The following PODXL2 variants were observed in gnomAD, a reference collection of about 807,000 sequenced individuals.
PODXL2 encodes the protein podocalyxin-like protein 2.
A neutral mutation model predicts 53.4 loss-of-function variants in PODXL2; 17 were observed. The observed-to-expected ratio is 0.32, with a 90% CI of 0.22 to 0.48. The LOEUF is 0.48. Among genes scored for constraint, PODXL2 ranks in the 20% least tolerant of loss-of-function variants. The pLI, the probability that PODXL2 is intolerant of heterozygous loss-of-function variation, is 0.99. For synonymous variants in PODXL2, 311 were observed against 306.7 expected (o/e 1.01, Z -0.15); for missense variants, 673 against 760.0 (o/e 0.89, Z 1.35).
chr3:127,670,487 A>C (rs2074825672), intron 6 of PODXL2, among the ~76,000 whole-genome samples: 1 of 152,200 alleles, frequency 6.6e-6, no homozygotes, highest in Non-Finnish European at 1.5e-5. Flanking sequence ...TTCTGGCGTT[A>C]CTGGTCACTT....
Position 127,672,800 on chromosome 3 carries a change from G to A in PODXL2, c.*320G>A, listed in dbSNP as rs901204621. 3.0e-6 allele frequency: 1 copy of A among 329,156 alleles called. No homozygotes were observed. The highest frequency in any genetic ancestry group is 2.2e-5 in the African/African-American group (1 of 46,012). 20.4% of individuals were successfully genotyped at this position (329,156 alleles called of 1,614,324 possible). A position where few individuals can be genotyped will look rare whatever the true frequency, so the allele number is the denominator to read the frequency against. ...CCGCCCGGAGACCACGCCGGGCCCA[G>A]CGCGTCTGCCTTCTTGACTCATTCT... On this transcript the variant is annotated 3_prime_UTR_variant, in exon 8 of 8. Coordinates refer to ENST00000342480, the MANE Select transcript of PODXL2 (RefSeq NM_015720.4).
At chr3:127,641,902 C>T (rs1490497744) in intron 2 of PODXL2, among the ~76,000 whole-genome samples, 1 of 152,278 alleles carries the variant, frequency 6.6e-6, no homozygotes, top group East Asian at 1.9e-4. Flanking sequence ...CTTAGGTTGT[C>T]TTCAGTTTTA....
At position 127,629,322 on chromosome 3, in the gene PODXL2, C is replaced by T; in HGVS notation, c.70+33C>T. On this transcript the variant is annotated intron_variant, in intron 1 of 7. Coordinates refer to ENST00000342480, the MANE Select transcript of PODXL2 (RefSeq NM_015720.4). This position sits in a 1 kb window ranked among gnomAD's most constrained non-coding sequence, Gnocchi z 6.4. ...CGCTCCGGGCCCGAGCGCGGGAGGG[C>T]GGGCGGCGGCGTGGGCGCGGTGCTG... is the stretch of plus-strand genomic sequence containing the variant. 9.9e-7 allele frequency: 1 copy of T among 1,011,592 alleles called. No individual in the cohort carries two copies. Among genetic ancestry groups the T allele is most frequent in the Non-Finnish European group, 1.2e-6 (1 of 847,682 alleles). The allele number at this position is 1,011,592 out of a possible 1,614,324, so 62.7% of individuals were successfully genotyped here.
At chr3:127,668,653 CCT>C (rs1420570505) in intron 5 of PODXL2, 56 bp downstream of exon 5, 4 of 1,422,780 alleles carry the variant, frequency 2.8e-6, no homozygotes, top group African/African-American at 2.9e-5. Context: ...GCGGGCGGCC[CCT>C]GAGGGTCACG....
rs369554526 is a variant in PODXL2 at position 127,661,178 on chromosome 3, G to A, written c.1131+19G>A. The A allele has an allele frequency of 4.0e-4, 626 of 1,582,612 alleles. No individual in the cohort carries two copies. The highest frequency in any genetic ancestry group is 5.0e-4 in the Admixed American group (30 of 59,670). On this transcript the variant is annotated intron_variant, in intron 3 of 7. Coordinates refer to ENST00000342480, the MANE Select transcript of PODXL2 (RefSeq NM_015720.4). ...TACGCAGGTAAAGTGAGGGGCATGCGGGCCACCACCCTGTACCTTCTTCAC... is the reference window on the plus strand; with the variant it reads ...TACGCAGGTAAAGTGAGGGGCATGCAGGCCACCACCCTGTACCTTCTTCAC...
intron 2 of PODXL2, among the ~76,000 whole-genome samples, chr3:127,641,600 G>A (rs904799971): frequency 1.3e-4 from 19 of 151,712 alleles, no homozygotes; most frequent in Middle Eastern, 3.2e-3. Flanking sequence ...CACAACCTCC[G>A]CCTCCCAGGT....
chr3:127,661,443 T>G (rs2074766977), intron 3 of PODXL2, among the ~76,000 whole-genome samples: 3 of 152,024 alleles, frequency 2.0e-5, no homozygotes, highest in African/African-American at 7.2e-5. Flanking sequence ...CTTTTGTTTT[T>G]TTTTTTTCCC....
At chr3:127,641,963 T>G (rs2074623597) in intron 2 of PODXL2, among the ~76,000 whole-genome samples, 1 of 152,168 alleles carries the variant, frequency 6.6e-6, no homozygotes, top group East Asian at 1.9e-4. Flanking sequence ...GGTGGTTTCC[T>G]TAGGATAAAT....
At chr3:127,662,112 G>A (rs3732650) in intron 3 of PODXL2, 125 bp from the exon 4 acceptor site, 12,426 of 718,202 alleles carry the variant, frequency 0.017, 396 homozygotes, top group East Asian at 0.096. Context: ...CAGCCCCCTC[G>A]CTGTAATACG....
At chr3:127,652,719 A>AG (rs1200596534) in intron 2 of PODXL2, among the ~76,000 whole-genome samples, 1 of 152,024 alleles carries the variant, frequency 6.6e-6, no homozygotes, top group Non-Finnish European at 1.5e-5. Context: ...GGGGCTCTAG[A>AG]GGTACACCTT....
Position 127,668,101 on chromosome 3 carries a change from CGTGTGTGTGTGTGTGT to C in PODXL2, c.1207-313_1207-298del, listed in dbSNP as rs55716588. 2.2e-3 allele frequency among the ~76,000 whole-genome samples: 318 copies of C among 145,854 alleles called. 1 individual carries two copies. The highest frequency in any genetic ancestry group is 0.02 in the South Asian group (88 of 4,442). On this transcript the variant is annotated intron_variant, in intron 4 of 7. Transcript: ENST00000342480. ...CTGGGCTTGTCACTGTACATGGCTG[CGTGTGTGTGTGTGTGT>C]GTGTGTGTGTGTGTGTGTGTGTGTG...
At chr3:127,642,670 T>C (rs2074628448) in intron 2 of PODXL2, among the ~76,000 whole-genome samples, 1 of 152,190 alleles carries the variant, frequency 6.6e-6, no homozygotes, top group Non-Finnish European at 1.5e-5. Flanking sequence ...TGATTACTAG[T>C]ATATTTTAAC....
At position 127,639,406 on chromosome 3, in the gene PODXL2, G is replaced by A; in HGVS notation, c.232G>A (p.Gly78Ser). ...MGLGAGLGAP[G>S]SGFPSEENEE... ...CCTGGGAGCTGGGCTGGGAGCCCCT[G>A]GCTCAGGCTTCCCCAGCGAAGAGAA... is the stretch of plus-strand genomic sequence containing the variant. Residue 78 changes from glycine (G) to serine (S), a missense_variant, in exon 2 of 8, where the codon GGC becomes AGC. Coordinates refer to ENST00000342480, the MANE Select transcript of PODXL2 (RefSeq NM_015720.4). 6.2e-7 allele frequency: 1 copy of A among 1,614,266 alleles called. No homozygotes were observed. Among genetic ancestry groups the A allele is most frequent in the South Asian group, 1.1e-5 (1 of 91,086 alleles).
intron 4 of PODXL2, among the ~76,000 whole-genome samples, chr3:127,666,362 CT>C (rs58975531): frequency 0.53 from 75,659 of 142,762 alleles, 19,326 homozygotes; most frequent in East Asian, 0.64. Flanking sequence ...AGAGGTACTT[CT>C]TTTTTTTTTT....
chr3:127,651,195 G>A (rs1329985474), intron 2 of PODXL2, among the ~76,000 whole-genome samples: 1 of 152,150 alleles, frequency 6.6e-6, no homozygotes, highest in Admixed American at 6.5e-5. Flanking sequence ...CCCAGGAGGC[G>A]GAGGTTGCAG....
chr3:127,646,033 C>T (rs1485292719), intron 2 of PODXL2, among the ~76,000 whole-genome samples: 3 of 152,212 alleles, frequency 2.0e-5, no homozygotes, highest in African/African-American at 7.2e-5. Context: ...GCAGGGACTG[C>T]TGAAAACCAT....
Position 127,629,252 on chromosome 3 carries a change from G to T in PODXL2, c.33G>T (p.Pro11=). Residue 11 remains proline (P), a synonymous_variant, in exon 1 of 8, where the codon CCG becomes CCT. Transcript: ENST00000342480. This position sits in a 1 kb window ranked among gnomAD's most constrained non-coding sequence, Gnocchi z 6.4. ...GGCTGCTGCGGGCCGCCCGGCTGCC[G>T]CCGCTGCTTTCGCCGCTGCTGCTTC... MGRLLRAARL[P]PLLSPLLLLL... is the part of the protein sequence containing the mutation. 9.9e-7 allele frequency: 1 copy of T among 1,009,056 alleles called. No homozygotes were observed. The allele number at this position is 1,009,056 out of a possible 1,614,324, so 62.5% of individuals were successfully genotyped here.
intron 5 of PODXL2, 79 bp downstream of exon 5, chr3:127,668,676 G>A (rs1036904444): frequency 1.5e-6 from 2 of 1,315,950 alleles, no homozygotes; most frequent in African/African-American, 1.5e-5. Context: ...GGAAAAAAGT[G>A]CACGCATAAG....
chr3:127,649,930 T>C (rs10934818), intron 2 of PODXL2, among the ~76,000 whole-genome samples: 122,820 of 152,258 alleles, frequency 0.81, 50,207 homozygotes, highest in African/African-American at 0.95. Flanking sequence ...GAACAAGACT[T>C]TGTCTTAAAT....
Sources: allele counts gnomAD v4.1 joint callset (sites outside exome capture counted in the v4.1 genomes callset), GRCh38; gene constraint gnomAD v4.1.1; non-coding constraint Gnocchi (gnomAD v3.1); transcripts MANE v1.5; gene names NCBI Gene and HGNC (gene_info 2026-07-23, HGNC 2026-07-21).